RERE: variants seen among roughly 807,000 people sequenced by gnomAD.
RERE encodes arginine-glutamic acid dipeptide repeats protein.
RERE carries 40 observed loss-of-function variants against 146.1 expected under a neutral mutation model. That is an observed-to-expected ratio of 0.27 (90% CI 0.21 to 0.36). The LOEUF is 0.36. RERE is among the 10% of genes least tolerant of loss of function. The pLI is 1.00. For synonymous variants in RERE, 1,003 were observed against 866.0 expected (o/e 1.16, Z -2.78); for missense variants, 1,933 against 2,138.7 (o/e 0.90, Z 1.90).
chr1:8,426,926 A>G (rs979150416), intron 11 of RERE, among the ~76,000 whole-genome samples: 2 of 152,234 alleles, frequency 1.3e-5, no homozygotes, highest in Non-Finnish European at 2.9e-5. Context: ...TGCTTACCCA[A>G]AAAGTCCATA....
intron 1 of RERE, among the ~76,000 whole-genome samples, chr1:8,681,815 T>A (rs1434492318): frequency 1.3e-5 from 2 of 152,208 alleles, no homozygotes; most frequent in Non-Finnish European, 2.9e-5. Flanking sequence ...TAGTTGAAAT[T>A]TTAAGAGTAG....
chr1:8,658,755 CAA>C (rs569580732), intron 1 of RERE, among the ~76,000 whole-genome samples: 3 of 118,672 alleles, frequency 2.5e-5, no homozygotes, highest in Admixed American at 8.9e-5. Context: ...GACTCCATCT[CAA>C]AAAAAAAAAA....
intron 4 of RERE, among the ~76,000 whole-genome samples, chr1:8,594,471 T>G (rs1471319732): frequency 1.3e-5 from 2 of 152,222 alleles, no homozygotes; most frequent in African/African-American, 4.8e-5. Flanking sequence ...GAGAATGTAC[T>G]GCATTTTACA....
At chr1:8,661,201 T>C (rs1171556834) in intron 1 of RERE, among the ~76,000 whole-genome samples, 2 of 152,036 alleles carry the variant, frequency 1.3e-5, no homozygotes, top group Non-Finnish European at 2.9e-5. Context: ...AGGGAGGTGA[T>C]TCCTGAAGAG....
intron 12 of RERE, among the ~76,000 whole-genome samples, chr1:8,394,385 A>G (rs1197588464): frequency 6.6e-6 from 1 of 152,210 alleles, no homozygotes; most frequent in African/African-American, 2.4e-5. Context: ...AAGTTCGACA[A>G]CTACATACAG....
chr1:8,363,953 G>A, intron 15 of RERE, 103 bp downstream of exon 15: 1 of 1,076,984 alleles, frequency 9.3e-7, no homozygotes, highest in Non-Finnish European at 1.4e-6. Context: ...GACTTTGTCT[G>A]GTAAACAAGA....
intron 1 of RERE, among the ~76,000 whole-genome samples, chr1:8,744,972 A>T (rs1462894439): frequency 6.6e-6 from 1 of 152,176 alleles, no homozygotes; most frequent in African/African-American, 2.4e-5. Flanking sequence ...TCCTACCTCC[A>T]GTCAAGTGGG....
chr1:8,564,275 T>C (rs543831618), intron 4 of RERE, among the ~76,000 whole-genome samples: 4 of 152,362 alleles, frequency 2.6e-5, no homozygotes, highest in South Asian at 2.1e-4. Flanking sequence ...TGTTTCTGAT[T>C]TCAGAATTTT....
rs944205704 is a variant in RERE, at chr1:8,410,193, C to T, written c.1284+12534G>A. On this transcript the variant is annotated intron_variant, in intron 12 of 22. Transcript: ENST00000400908. ...CTGCCTGCCTGCTGGGTAAGGAGGG[C>T]TGGGCAGGGGAGGGGGGCCGCCCTG... Among the ~76,000 whole-genome samples the T allele has an allele frequency of 1.9e-4, 29 of 152,102 alleles. No homozygotes were observed. The East Asian group carries it at 3.1e-3, about 16-fold the overall frequency.
chr1:8,590,458 G>A (rs903606373), intron 4 of RERE, among the ~76,000 whole-genome samples: 3 of 152,080 alleles, frequency 2.0e-5, no homozygotes, highest in Non-Finnish European at 2.9e-5. Flanking sequence ...TTCCATTTGG[G>A]GAGGTAAATT....
chr1:8,736,605 T>C (rs972924843), intron 1 of RERE, among the ~76,000 whole-genome samples: 1 of 152,106 alleles, frequency 6.6e-6, no homozygotes, highest in Admixed American at 6.5e-5. Flanking sequence ...TCCCCAAATT[T>C]CAAAAATATA....
At position 8,378,841 on chromosome 1, in the gene RERE, T is replaced by C. The variant is rs558931828; in HGVS notation, c.1285-12867A>G. Among the ~76,000 whole-genome samples the C allele has an allele frequency of 2.6e-5, 4 of 152,310 alleles. No homozygotes were observed. In the East Asian group the frequency reaches 7.7e-4, roughly 29 times the overall value. ...GAACCAGCAGAGAAGTGAGGCCTGC[T>C]GAATGAACCTCTAAGCCCTGGGCTG... On this transcript the variant is annotated intron_variant, in intron 12 of 22. Coordinates refer to ENST00000400908, the MANE Select transcript of RERE (RefSeq NM_001042681.2).
chr1:8,761,982 C>T lies in RERE; in HGVS notation c.-145+55178G>A, dbSNP rs1171342481. Among the ~76,000 whole-genome samples the T allele has an allele frequency of 3.3e-5, 5 of 152,162 alleles. No individual in the cohort carries two copies. In the East Asian group the frequency reaches 9.6e-4, roughly 29 times the overall value. ...CTCATTACTTTCCACCCAGTCTTCA[C>T]TCTCTTCCTTTCATGACATACTAGA... On this transcript the variant is annotated intron_variant, in intron 1 of 22. Transcript: ENST00000400908.
In RERE at chr1:8,686,366, C is replaced by CTGGA. The variant is rs200951597; in HGVS notation, c.-144-29929_-144-29926dup. ...ATATTTATCAGACACCTATTATGTG[C>CTGGA]TGGAGATAGAGCAGTAAACCAAAGA... is the stretch of plus-strand genomic sequence containing the variant. On this transcript the variant is annotated intron_variant, in intron 1 of 22. Coordinates refer to ENST00000400908, the MANE Select transcript of RERE (RefSeq NM_001042681.2). 4.6e-3 allele frequency among the ~76,000 whole-genome samples: 695 copies of CTGGA among 152,280 alleles called. 6 individuals carry two copies. Among genetic ancestry groups the CTGGA allele is most frequent in the African/African-American group, 0.016 (668 of 41,552 alleles).
chr1:8,644,858 G>A (rs1163267081), intron 2 of RERE, among the ~76,000 whole-genome samples: 1 of 152,160 alleles, frequency 6.6e-6, no homozygotes, highest in Non-Finnish European at 1.5e-5. Context: ...GGAGAAAAGA[G>A]AAAAAGAGCA....
intron 1 of RERE, among the ~76,000 whole-genome samples, chr1:8,782,068 G>C (rs1280666920): frequency 6.6e-6 from 1 of 151,964 alleles, no homozygotes; most frequent in Non-Finnish European, 1.5e-5. Context: ...CCTCAAAAAG[G>C]TGCTATACTC....
chr1:8,476,392 T>C (rs1478295652), intron 10 of RERE, among the ~76,000 whole-genome samples: 3 of 152,140 alleles, frequency 2.0e-5, no homozygotes, highest in Non-Finnish European at 4.4e-5. Context: ...GAGCAATGGG[T>C]ACGGGGACTT....
intron 12 of RERE, among the ~76,000 whole-genome samples, chr1:8,368,786 C>T (rs1454582384): frequency 2.6e-5 from 4 of 151,920 alleles, no homozygotes; most frequent in Admixed American, 6.6e-5. Context: ...AGAAGCCAGG[C>T]GCAGCAGTTT....
intron 11 of RERE, among the ~76,000 whole-genome samples, chr1:8,449,459 C>CCTTT (rs1644365216): frequency 6.6e-6 from 1 of 152,188 alleles, no homozygotes; most frequent in African/African-American, 2.4e-5. Context: ...AAGGTTTTAA[C>CCTTT]AAGAACCAGA....
Sources: gnomAD v4.1 joint callset for allele counts (sites outside exome capture counted in the v4.1 genomes callset) on GRCh38, gnomAD v4.1.1 for gene constraint, MANE v1.5 for transcripts, NCBI Gene and HGNC (gene_info 2026-07-23, HGNC 2026-07-21) for gene names.